Variants in PRELID2 observed in about 807,000 individuals in gnomAD.
PRELID2 encodes the protein PRELI domain-containing protein 2.
A neutral mutation model predicts 28.4 loss-of-function variants in PRELID2; 25 were observed. That is an observed-to-expected ratio of 0.88 (90% CI 0.64 to 1.23). The LOEUF is 1.23. Ranked by LOEUF, PRELID2 falls within the 50% of genes most tolerant of loss-of-function variation. The pLI, the probability that PRELID2 is intolerant of heterozygous loss-of-function variation, is 0.00. For synonymous variants in PRELID2, 76 were observed against 71.6 expected (o/e 1.06, Z -0.31); for missense variants, 201 against 214.4 (o/e 0.94, Z 0.39).
At chr5:145,526,261 T>C (rs1752604694) in intron 1 of PRELID2, among the ~76,000 whole-genome samples, 1 of 152,122 alleles carries the variant, frequency 6.6e-6, no homozygotes, top group Admixed American at 6.6e-5. Flanking sequence ...GTAGCAGAGA[T>C]GGGATTTAAG....
chr5:145,642,709 G>A (rs578212241), intron 1 of PRELID2, among the ~76,000 whole-genome samples: 1 of 152,208 alleles, frequency 6.6e-6, no homozygotes, highest in African/African-American at 2.4e-5. Context: ...GTAAGGAAGG[G>A]GTCCAGTTTC....
chr5:145,302,428 G>A, the PRELID2 span, among the ~76,000 whole-genome samples: 330 of 152,010 alleles, frequency 2.2e-3, no homozygotes, highest in African/African-American at 7.6e-3. Context: ...GTGAGCCACC[G>A]TGACTGGCCA....
intron 1 of PRELID2, among the ~76,000 whole-genome samples, chr5:145,526,598 T>A (rs1752606948): frequency 6.6e-6 from 1 of 152,146 alleles, no homozygotes; most frequent in African/African-American, 2.4e-5. Flanking sequence ...TGTCTAGATT[T>A]TATTTTTATA....
chr5:145,464,221 A>G, the PRELID2 span, among the ~76,000 whole-genome samples: 1 of 152,186 alleles, frequency 6.6e-6, no homozygotes, highest in African/African-American at 2.4e-5. Context: ...AGTTGAGAAA[A>G]GCCTAAGAGC....
At chr5:145,484,964 G>T (rs1752202341) in intron 1 of PRELID2, among the ~76,000 whole-genome samples, 1 of 152,158 alleles carries the variant, frequency 6.6e-6, no homozygotes, top group Admixed American at 6.5e-5. Flanking sequence ...TCTAGCTTCT[G>T]AGGGTACAAA....
chr5:145,620,924 A>G (rs1016050616), intron 1 of PRELID2, among the ~76,000 whole-genome samples: 1 of 152,214 alleles, frequency 6.6e-6, no homozygotes, highest in Non-Finnish European at 1.5e-5. Flanking sequence ...AAATGCCACA[A>G]TGAAAGCCAG....
At chr5:145,364,640 G>T in the PRELID2 span, among the ~76,000 whole-genome samples, 4 of 152,026 alleles carry the variant, frequency 2.6e-5, no homozygotes, top group Non-Finnish European at 1.5e-5. Flanking sequence ...ACAACAGAAA[G>T]ACATTAGATA....
intron 1 of PRELID2, among the ~76,000 whole-genome samples, chr5:145,709,943 T>C (rs1755649127): frequency 1.3e-5 from 2 of 152,212 alleles, no homozygotes; most frequent in Admixed American, 1.3e-4. Flanking sequence ...CCAACCCATT[T>C]AATTTCTGTC....
intron 1 of PRELID2, among the ~76,000 whole-genome samples, chr5:145,530,576 A>C (rs1288340275): frequency 6.6e-6 from 1 of 152,000 alleles, no homozygotes; most frequent in African/African-American, 2.4e-5. Context: ...TGAGATGGAG[A>C]AGAAAGAATA....
the PRELID2 span, among the ~76,000 whole-genome samples, chr5:145,335,892 G>A: frequency 6.6e-6 from 1 of 152,210 alleles, no homozygotes; most frequent in Middle Eastern, 3.2e-3. Context: ...CCCACCAACA[G>A]TGTAAAAGTG....
the PRELID2 span, among the ~76,000 whole-genome samples, chr5:145,380,054 C>T: frequency 2.0e-5 from 3 of 152,182 alleles, no homozygotes; most frequent in African/African-American, 7.2e-5. Context: ...TCTGCTATGG[C>T]CATGCTCCTG....
chr5:145,821,764 G>C (rs1270853790), intron 2 of PRELID2, among the ~76,000 whole-genome samples: 1 of 152,174 alleles, frequency 6.6e-6, no homozygotes, highest in Non-Finnish European at 1.5e-5. Context: ...AGGCAAAGAT[G>C]CCCCTGACGA....
chr5:145,525,528 C>T (rs550651881), intron 1 of PRELID2, among the ~76,000 whole-genome samples: 28 of 152,266 alleles, frequency 1.8e-4, no homozygotes, highest in African/African-American at 6.5e-4. Flanking sequence ...AAGCCCACTA[C>T]AAACTTTCTT....
chr5:145,441,964 T>C, the PRELID2 span, among the ~76,000 whole-genome samples: 2 of 152,110 alleles, frequency 1.3e-5, no homozygotes, highest in Admixed American at 1.3e-4. Flanking sequence ...TAAATGTCTA[T>C]AACTTTGCTT....
chr5:145,600,816 A>G, intron 1 of PRELID2, among the ~76,000 whole-genome samples: 1 of 152,134 alleles, frequency 6.6e-6, no homozygotes. Flanking sequence ...TATTATAAAC[A>G]TGTATGTATG....
chr5:145,379,513 T>A, the PRELID2 span, among the ~76,000 whole-genome samples: 3 of 151,682 alleles, frequency 2.0e-5, no homozygotes, highest in African/African-American at 7.3e-5. Flanking sequence ...CAAGCAAGAG[T>A]GGTCACTCAG....
intron 1 of PRELID2, among the ~76,000 whole-genome samples, chr5:145,572,376 A>G (rs190239382): frequency 2.0e-5 from 3 of 152,294 alleles, no homozygotes; most frequent in Non-Finnish European, 4.4e-5. Flanking sequence ...TAACTTCCTC[A>G]GAATAAATCC....
chr5:145,602,576 T>C (rs1753412969), intron 1 of PRELID2, among the ~76,000 whole-genome samples: 2 of 151,764 alleles, frequency 1.3e-5, no homozygotes, highest in South Asian at 4.1e-4. Context: ...GTAAAGGAAA[T>C]AAAAGCCAAG....
At chr5:145,660,673 T>C (rs944244642) in intron 1 of PRELID2, among the ~76,000 whole-genome samples, 2 of 152,178 alleles carry the variant, frequency 1.3e-5, no homozygotes, top group Non-Finnish European at 2.9e-5. Flanking sequence ...TGTTATACTG[T>C]CAACTATGAA....
Sources: allele counts gnomAD v4.1 joint callset (sites outside exome capture counted in the v4.1 genomes callset), GRCh38; gene constraint gnomAD v4.1.1; transcripts MANE v1.5; gene names NCBI Gene and HGNC (gene_info 2026-07-23, HGNC 2026-07-21).